PCDH9: variants seen among roughly 807,000 people sequenced by gnomAD.
PCDH9 encodes the protein protocadherin-9.
A neutral mutation model predicts 70.6 loss-of-function variants in PCDH9; 24 were observed. That is an observed-to-expected ratio of 0.34 (90% confidence interval 0.25 to 0.48). The LOEUF is 0.48. Ranked by LOEUF, PCDH9 falls within the 20% of genes least tolerant of loss-of-function variation. PCDH9 has a pLI of 0.99. For missense variants in PCDH9, 1,281 were observed against 1,503.6 expected (o/e 0.85, Z 2.45); for synonymous variants, 562 against 558.5 (o/e 1.01, Z -0.09).
In PCDH9 at chr13:66,800,293, G is replaced by A. The variant is rs1447832769; in HGVS notation, c.3138+103211C>T. Among the ~76,000 whole-genome samples, 12 of 152,098 alleles carry A rather than the reference G, an allele frequency of 7.9e-5. No individual in the cohort carries two copies. The East Asian group carries it at 2.3e-3, about 29-fold the overall frequency. On this transcript the variant is annotated intron_variant, in intron 3 of 4. Coordinates refer to ENST00000377865, the MANE Select transcript of PCDH9 (RefSeq NM_203487.3). ...AGTACTTTCTCTCATGTTGTTGAAA[G>A]AATCACTCCTCATTTCATCCAAGTC... is the stretch of plus-strand genomic sequence containing the variant.
chr13:66,572,295 G>A (rs1282797117), intron 4 of PCDH9, among the ~76,000 whole-genome samples: 1 of 151,964 alleles, frequency 6.6e-6, no homozygotes, highest in African/African-American at 2.4e-5. Flanking sequence ...CCTACTATGT[G>A]TGCTAGCATA....
At chr13:67,068,848 T>C (rs1052104004) in intron 2 of PCDH9, among the ~76,000 whole-genome samples, 1 of 152,206 alleles carries the variant, frequency 6.6e-6, no homozygotes, top group Non-Finnish European at 1.5e-5. Flanking sequence ...GAAAATATGA[T>C]AGTAAGGACC....
intron 3 of PCDH9, among the ~76,000 whole-genome samples, chr13:66,819,614 G>A (rs2080674031): frequency 6.6e-6 from 1 of 152,172 alleles, no homozygotes; most frequent in Admixed American, 6.5e-5. Flanking sequence ...TTTTGACCAG[G>A]CATAGTGGCT....
At chr13:66,607,473 A>G (rs139164846) in intron 4 of PCDH9, among the ~76,000 whole-genome samples, 88 of 152,186 alleles carry the variant, frequency 5.8e-4, no homozygotes, top group African/African-American at 2.1e-3. Context: ...AACATTATAG[A>G]GCCCCTACAA....
intron 3 of PCDH9, among the ~76,000 whole-genome samples, chr13:66,874,957 G>A (rs996776930): frequency 6.6e-6 from 1 of 151,366 alleles, no homozygotes; most frequent in Non-Finnish European, 1.5e-5. Context: ...GAGAGAGAGA[G>A]AGAGAGACAG....
At chr13:67,074,551 A>G (rs2085839734) in intron 2 of PCDH9, among the ~76,000 whole-genome samples, 1 of 152,160 alleles carries the variant, frequency 6.6e-6, no homozygotes, top group Non-Finnish European at 1.5e-5. Flanking sequence ...ATTCAATACA[A>G]AATAGTTTTG....
At chr13:67,128,508 C>A (rs937084959) in intron 2 of PCDH9, among the ~76,000 whole-genome samples, 2 of 152,098 alleles carry the variant, frequency 1.3e-5, no homozygotes, top group African/African-American at 4.8e-5. Context: ...GGTTAATCAA[C>A]GTTATGGCAG....
intron 4 of PCDH9, among the ~76,000 whole-genome samples, chr13:66,604,984 G>C (rs1235486192): frequency 6.6e-6 from 1 of 151,880 alleles, no homozygotes; most frequent in Non-Finnish European, 1.5e-5. Flanking sequence ...TAGATTTCTT[G>C]GGTGTTGGGA....
chr13:66,563,168 T>C (rs2076601479), intron 4 of PCDH9, among the ~76,000 whole-genome samples: 1 of 152,124 alleles, frequency 6.6e-6, no homozygotes, highest in Non-Finnish European at 1.5e-5. Flanking sequence ...AATAGAACTT[T>C]TGTTGATTCT....
chr13:67,187,092 T>C (rs1488496833), intron 2 of PCDH9, among the ~76,000 whole-genome samples: 1 of 152,200 alleles, frequency 6.6e-6, no homozygotes, highest in Non-Finnish European at 1.5e-5. Context: ...CTGTATTGTG[T>C]CTTATATCTA....
intron 2 of PCDH9, among the ~76,000 whole-genome samples, chr13:67,148,994 G>T (rs1870735665): frequency 6.6e-6 from 1 of 152,070 alleles, no homozygotes; most frequent in Non-Finnish European, 1.5e-5. Context: ...CTACAGTAAG[G>T]CACCTATAGA....
intron 2 of PCDH9, among the ~76,000 whole-genome samples, chr13:67,067,713 C>T (rs1211514969): frequency 6.8e-6 from 1 of 146,204 alleles, no homozygotes; most frequent in South Asian, 2.1e-4. Context: ...AAGTGGTCTT[C>T]GTAAGTCACT....
intron 2 of PCDH9, chr13:67,207,560 A>G (rs1428892564): frequency 6.6e-6 from 1 of 152,204 alleles, no homozygotes; most frequent in African/African-American, 2.4e-5. Context: ...TTTGACATCT[A>G]CTTTCAAGGC....
intron 4 of PCDH9, among the ~76,000 whole-genome samples, chr13:66,532,759 G>C (rs1960524736): frequency 1.3e-5 from 2 of 152,046 alleles, no homozygotes; most frequent in African/African-American, 4.8e-5. Flanking sequence ...CAGATGTCAA[G>C]ATTAATTTTA....
chr13:67,059,446 T>C (rs890657467), intron 2 of PCDH9, among the ~76,000 whole-genome samples: 2 of 148,426 alleles, frequency 1.3e-5, no homozygotes, highest in African/African-American at 4.9e-5. Flanking sequence ...ATAATATAAG[T>C]GTTATAAAGA....
At chr13:66,929,621 G>A (rs1817019320) in intron 2 of PCDH9, among the ~76,000 whole-genome samples, 2 of 152,106 alleles carry the variant, frequency 1.3e-5, no homozygotes, top group South Asian at 2.1e-4. Context: ...ACCACACCTA[G>A]CTGACTTATT....
chr13:67,168,889 T>TA (rs2088199277), intron 2 of PCDH9, among the ~76,000 whole-genome samples: 1 of 152,368 alleles, frequency 6.6e-6, no homozygotes, highest in African/African-American at 2.4e-5. Context: ...TTCTGAATCT[T>TA]ACAGCCATCT....
At chr13:66,867,504 A>G (rs1286115097) in intron 3 of PCDH9, among the ~76,000 whole-genome samples, 1 of 152,186 alleles carries the variant, frequency 6.6e-6, no homozygotes, top group African/African-American at 2.4e-5. Context: ...CAAATGCAAA[A>G]GATAAAGCAG....
At chr13:66,659,443 A>G (rs1336375562) in intron 3 of PCDH9, among the ~76,000 whole-genome samples, 2 of 152,170 alleles carry the variant, frequency 1.3e-5, no homozygotes, top group East Asian at 3.9e-4. Context: ...GCTCCAAGTC[A>G]GAATGACTTA....
Sources: gnomAD v4.1 joint callset for allele counts (sites outside exome capture counted in the v4.1 genomes callset) on GRCh38, gnomAD v4.1.1 for gene constraint, MANE v1.5 for transcripts, NCBI Gene and HGNC (gene_info 2026-07-23, HGNC 2026-07-21) for gene names.